CSGALNACT1: variants seen among roughly 807,000 people sequenced by gnomAD.
CSGALNACT1 encodes beta4GalNAcT-1.
Under a neutral mutation model 51.0 loss-of-function variants are expected in CSGALNACT1, and 52 were observed. The observed-to-expected ratio is 1.02, with a 90% CI of 0.82 to 1.29. The LOEUF is 1.29. Among genes scored for constraint, CSGALNACT1 ranks in the 50% most tolerant of loss-of-function variants. The pLI is 0.00. For missense variants in CSGALNACT1, 935 were observed against 679.2 expected (o/e 1.38, Z -4.19); for synonymous variants, 341 against 254.4 (o/e 1.34, Z -3.24).
intron 6 of CSGALNACT1, among the ~76,000 whole-genome samples, chr8:19,432,897 A>C (rs1012967785): frequency 6.6e-6 from 1 of 152,092 alleles, no homozygotes; most frequent in African/African-American, 2.4e-5. Context: ...ACTGATTAAA[A>C]ATTTTTGTCT....
intron 3 of CSGALNACT1, among the ~76,000 whole-genome samples, chr8:19,558,923 A>C (rs1040106094): frequency 5.9e-5 from 9 of 152,172 alleles, no homozygotes; most frequent in Non-Finnish European, 8.8e-5. Context: ...ATTATTAGCT[A>C]AACTGGAAAT....
At chr8:19,507,661 G>C (rs565420649) in intron 3 of CSGALNACT1, among the ~76,000 whole-genome samples, 1 of 151,428 alleles carries the variant, frequency 6.6e-6, no homozygotes, top group Non-Finnish European at 1.5e-5. Context: ...ACAGAGTCTC[G>C]CTCATCGCCA....
intron 1 of CSGALNACT1, among the ~76,000 whole-genome samples, chr8:19,609,209 A>T (rs544771006): frequency 6.6e-6 from 1 of 151,686 alleles, no homozygotes; most frequent in Non-Finnish European, 1.5e-5. Flanking sequence ...TGAGGGAGGC[A>T]AGAAAACAAT....
chr8:19,561,331 A>G (rs973927750), intron 3 of CSGALNACT1, among the ~76,000 whole-genome samples: 4 of 152,244 alleles, frequency 2.6e-5, no homozygotes, highest in African/African-American at 4.8e-5. Context: ...AAAATGACAG[A>G]AAACAAACGT....
At chr8:19,721,152 C>T (rs1210457954) in intron 1 of CSGALNACT1, among the ~76,000 whole-genome samples, 1 of 152,134 alleles carries the variant, frequency 6.6e-6, no homozygotes, top group Non-Finnish European at 1.5e-5. Context: ...AGGCTCATAC[C>T]CCAGAACCAC....
In CSGALNACT1 at chr8:19,546,959, G is replaced by C. The variant is rs185727613; in HGVS notation, c.-296-40829C>G. On this transcript the variant is annotated intron_variant, in intron 3 of 9. Coordinates refer to ENST00000454498, the Ensembl canonical transcript of CSGALNACT1. ...CTCTTCGCAGAGGGAGCTGAGAGTAGCTGAATCATCCATCAGATGCGTCTT... is the reference window on the plus strand; with the variant it reads ...CTCTTCGCAGAGGGAGCTGAGAGTACCTGAATCATCCATCAGATGCGTCTT... Among the ~76,000 whole-genome samples the C allele has an allele frequency of 2.5e-3, 383 of 152,300 alleles. 1 individual carries two copies. Among genetic ancestry groups the C allele is most frequent in the African/African-American group, 8.9e-3 (372 of 41,566 alleles).
intron 1 of CSGALNACT1, among the ~76,000 whole-genome samples, chr8:19,637,621 T>C (rs2056244249): frequency 6.6e-6 from 1 of 152,212 alleles, no homozygotes; most frequent in African/African-American, 2.4e-5. Context: ...GCAAATTAAG[T>C]CTAATGCAGC....
intron 1 of CSGALNACT1, among the ~76,000 whole-genome samples, chr8:19,739,544 G>C (rs2154249441): frequency 6.6e-6 from 1 of 152,208 alleles, no homozygotes; most frequent in Middle Eastern, 3.4e-3. Flanking sequence ...ATATTTCCTG[G>C]CTTCTCTTAG....
intron 5 of CSGALNACT1, among the ~76,000 whole-genome samples, chr8:19,456,513 A>C (rs2064130777): frequency 6.6e-6 from 1 of 152,262 alleles, no homozygotes; most frequent in Admixed American, 6.5e-5. Flanking sequence ...CTGCATTCAG[A>C]ACGCCGCAGG....
intron 3 of CSGALNACT1, among the ~76,000 whole-genome samples, chr8:19,513,549 A>C (rs1386943843): frequency 6.6e-6 from 1 of 151,278 alleles, no homozygotes; most frequent in African/African-American, 2.4e-5. Flanking sequence ...TCTATCTCTT[A>C]TACACACTTA....
At chr8:19,593,333 G>C (rs959582573) in intron 2 of CSGALNACT1, among the ~76,000 whole-genome samples, 1 of 152,214 alleles carries the variant, frequency 6.6e-6, no homozygotes, top group African/African-American at 2.4e-5. Flanking sequence ...AAATGAACAA[G>C]ATATATAGGG....
chr8:19,624,042 T>C (rs1344697845), intron 1 of CSGALNACT1, among the ~76,000 whole-genome samples: 1 of 152,216 alleles, frequency 6.6e-6, no homozygotes, highest in Non-Finnish European at 1.5e-5. Context: ...TAATGAGCAG[T>C]GGCATAGTAA....
chr8:19,696,058 T>C (rs2061566986), intron 1 of CSGALNACT1, among the ~76,000 whole-genome samples: 1 of 152,200 alleles, frequency 6.6e-6, no homozygotes, highest in Admixed American at 6.5e-5. Context: ...AAAACATGTA[T>C]GAAGACATAG....
intron 3 of CSGALNACT1, among the ~76,000 whole-genome samples, chr8:19,530,608 C>T (rs1003403061): frequency 5.3e-5 from 8 of 152,128 alleles, no homozygotes; most frequent in African/African-American, 1.7e-4. Context: ...GCTCGCAGCT[C>T]GAGTCCCAGT....
At chr8:19,629,863 G>C (rs2054972284) in intron 1 of CSGALNACT1, among the ~76,000 whole-genome samples, 1 of 152,090 alleles carries the variant, frequency 6.6e-6, no homozygotes, top group Admixed American at 6.6e-5. Flanking sequence ...AATTGAATTA[G>C]AAAAAATGAC....
intron 2 of CSGALNACT1, among the ~76,000 whole-genome samples, chr8:19,592,662 G>A (rs2048080425): frequency 6.6e-6 from 1 of 152,188 alleles, no homozygotes; most frequent in Admixed American, 6.5e-5. Context: ...GCTAGGGTGG[G>A]AGGATCTCAT....
chr8:19,433,821 A>T lies in CSGALNACT1; in HGVS notation c.953+6009T>A, dbSNP rs1177238556. ...CTCTTCAGGTATCATTAGTATTAGT[A>T]TATTTTATGTGTGGCCCAACACAAT... On this transcript the variant is annotated intron_variant, in intron 6 of 9. Transcript: ENST00000454498. Among the ~76,000 whole-genome samples, 3 of 152,204 alleles carry T rather than the reference A, an allele frequency of 2.0e-5. No homozygotes were observed. In the South Asian group the frequency reaches 6.2e-4, roughly 32 times the overall value.
rs570190085 is a variant in CSGALNACT1, at chr8:19,496,247, G to A, written c.634+8954C>T. The stretch of plus-strand genomic sequence containing the variant: ...AGATAGGGTTTTTAAAAAGAACGCC[G>A]TTTCTTTAAATCACCACCATAGAAC... On this transcript the variant is annotated intron_variant, in intron 4 of 9. Coordinates refer to ENST00000454498, the Ensembl canonical transcript of CSGALNACT1. Among the ~76,000 whole-genome samples the A allele has an allele frequency of 1.1e-4, 17 of 152,278 alleles. No homozygotes were observed. In the East Asian group the frequency reaches 2.9e-3, roughly 26 times the overall value.
intron 1 of CSGALNACT1, among the ~76,000 whole-genome samples, chr8:19,729,790 G>A (rs577821715): frequency 6.6e-6 from 1 of 152,096 alleles, no homozygotes; most frequent in South Asian, 2.1e-4. Context: ...GGTCCCATAT[G>A]ACCTTGAGCC....
Sources: allele counts gnomAD v4.1 joint callset (sites outside exome capture counted in the v4.1 genomes callset), GRCh38; gene constraint gnomAD v4.1.1; transcripts MANE v1.5; gene names NCBI Gene and HGNC (gene_info 2026-07-23, HGNC 2026-07-21).